ERBB4: variants seen among roughly 807,000 people sequenced by gnomAD.
The protein encoded by ERBB4 is erb-b2 receptor tyrosine kinase 4.
A neutral mutation model predicts 158.0 loss-of-function variants in ERBB4; 42 were observed. That is an observed-to-expected ratio of 0.27 (90% CI 0.21 to 0.34). The LOEUF (loss-of-function observed/expected upper bound fraction) is 0.34. ERBB4 is among the 10% of genes least tolerant of loss of function. The pLI, the probability that ERBB4 is intolerant of heterozygous loss-of-function variation, is 1.00. For synonymous variants in ERBB4, 583 were observed against 558.7 expected (o/e 1.04, Z -0.61); for missense variants, 1,333 against 1,624.1 (o/e 0.82, Z 3.08).
intron 1 of ERBB4, among the ~76,000 whole-genome samples, chr2:212,441,169 A>G (rs1286506386): frequency 6.6e-6 from 1 of 152,018 alleles, no homozygotes; most frequent in African/African-American, 2.4e-5. Context: ...GAAGCTGGGG[A>G]TACTGAGTTT....
At chr2:211,696,892 A>T (rs1318080672) in intron 12 of ERBB4, among the ~76,000 whole-genome samples, 1 of 151,594 alleles carries the variant, frequency 6.6e-6, no homozygotes, top group Non-Finnish European at 1.5e-5. Flanking sequence ...CTGGTCTCAA[A>T]CTCCTGACCT....
At chr2:212,407,598 G>C (rs973369137) in intron 1 of ERBB4, among the ~76,000 whole-genome samples, 2 of 151,838 alleles carry the variant, frequency 1.3e-5, no homozygotes, top group African/African-American at 4.8e-5. Flanking sequence ...TAAATAAGTA[G>C]GCATATATAT....
chr2:211,701,756 C>CAAAAAAAA (rs71409856), intron 12 of ERBB4, among the ~76,000 whole-genome samples: 13 of 66,646 alleles, frequency 2.0e-4, no homozygotes, highest in South Asian at 1.1e-3. Flanking sequence ...GACTCCGTCT[C>CAAAAAAAA]AAAAAAAAAA....
chr2:212,451,919 A>C (rs1222440177), intron 1 of ERBB4, among the ~76,000 whole-genome samples: 1 of 152,134 alleles, frequency 6.6e-6, no homozygotes, highest in Non-Finnish European at 1.5e-5. Context: ...TGAAGGTTGC[A>C]TCACCAGAGA....
At chr2:212,250,995 G>A (rs890409925) in intron 1 of ERBB4, among the ~76,000 whole-genome samples, 5 of 151,884 alleles carry the variant, frequency 3.3e-5, no homozygotes, top group Non-Finnish European at 5.9e-5. Flanking sequence ...TAAAACTCTG[G>A]CACACAATTA....
At chr2:211,640,780 A>T (rs2070551334) in intron 16 of ERBB4, among the ~76,000 whole-genome samples, 1 of 152,178 alleles carries the variant, frequency 6.6e-6, no homozygotes, top group Admixed American at 6.6e-5. Context: ...TGAAAGACAG[A>T]TTAGGAAAGT....
chr2:211,803,631 C>T (rs1379866718), intron 3 of ERBB4, among the ~76,000 whole-genome samples: 2 of 152,122 alleles, frequency 1.3e-5, no homozygotes, highest in African/African-American at 4.8e-5. Context: ...TTCAGAGGGG[C>T]CAGAAATGCA....
chr2:211,923,757 T>C (rs2125083044), intron 3 of ERBB4, among the ~76,000 whole-genome samples: 1 of 152,118 alleles, frequency 6.6e-6, no homozygotes, highest in East Asian at 1.9e-4. Flanking sequence ...AATTTTGCTC[T>C]TGTTGCTGAG....
Position 211,679,261 on chromosome 2 carries a change from T to A in ERBB4, c.1490-77A>T, listed in dbSNP as rs562139247. 275 of 1,524,398 alleles carry A rather than the reference T, an allele frequency of 1.8e-4. 3 individuals carry two copies. In the Middle Eastern group the frequency reaches 0.015, roughly 81 times the overall value. The allele number at this position is 1,524,398 out of a possible 1,614,324, so 94.4% of individuals were successfully genotyped here. On this transcript the variant is annotated intron_variant, in intron 12 of 27. Coordinates refer to ENST00000342788, the MANE Select transcript of ERBB4 (RefSeq NM_005235.3). ...TTAAAATCTTCCTAGGTAATGCTAT[T>A]TCTAAAGGAGTTCACTTAAAAGAGA...
intron 2 of ERBB4, among the ~76,000 whole-genome samples, chr2:211,994,349 C>T (rs1396436577): frequency 6.6e-6 from 1 of 152,060 alleles, no homozygotes; most frequent in Non-Finnish European, 1.5e-5. Flanking sequence ...CCAAGTCTGG[C>T]CTCAAACTCC....
At chr2:211,537,021 G>T (rs1410825857) in intron 20 of ERBB4, among the ~76,000 whole-genome samples, 1 of 151,802 alleles carries the variant, frequency 6.6e-6, no homozygotes, top group African/African-American at 2.4e-5. Context: ...TTGCAGCAAT[G>T]CTAAATTCTA....
chr2:211,898,931 T>C (rs1272724219), intron 3 of ERBB4, among the ~76,000 whole-genome samples: 1 of 152,140 alleles, frequency 6.6e-6, no homozygotes, highest in Non-Finnish European at 1.5e-5. Flanking sequence ...ATCTTCACAC[T>C]CAATCGTCCA....
intron 1 of ERBB4, among the ~76,000 whole-genome samples, chr2:212,373,411 T>G (rs1247664436): frequency 6.6e-6 from 1 of 152,068 alleles, no homozygotes; most frequent in Non-Finnish European, 1.5e-5. Context: ...ATTTTTGCAG[T>G]CAATGAAACT....
chr2:211,701,309 C>A (rs3883913), intron 12 of ERBB4, among the ~76,000 whole-genome samples: 89,207 of 151,972 alleles, frequency 0.59, 26,968 homozygotes, highest in African/African-American at 0.71. Context: ...TATGAAACTC[C>A]CTGAAACCAA....
chr2:211,745,409 T>G (rs1373081319), intron 5 of ERBB4, among the ~76,000 whole-genome samples: 1 of 152,104 alleles, frequency 6.6e-6, no homozygotes, highest in African/African-American at 2.4e-5. Flanking sequence ...TAGCTCAGAC[T>G]AAGAGAGAGA....
Position 211,772,808 on chromosome 2 carries a change from G to GAT in ERBB4, c.556+15215_556+15216dup, listed in dbSNP as rs761544601. On this transcript the variant is annotated intron_variant, in intron 4 of 27. Transcript: ENST00000342788. ...CTACAGGTATACTTCACCATACTGG[G>GAT]ATATATATATATATATATATATATA... is the stretch of plus-strand genomic sequence containing the variant. 2.8e-3 allele frequency among the ~76,000 whole-genome samples: 107 copies of GAT among 37,734 alleles called. 2 individuals carry two copies. The highest frequency in any genetic ancestry group is 4.5e-3 in the African/African-American group (35 of 7,738). The allele number at this position is 37,734 out of a possible 152,430, so 24.8% of individuals were successfully genotyped here. A position where few individuals can be genotyped will look rare whatever the true frequency, so the allele number is the denominator to read the frequency against.
intron 1 of ERBB4, among the ~76,000 whole-genome samples, chr2:212,284,706 A>C (rs2106158887): frequency 6.6e-6 from 1 of 152,200 alleles, no homozygotes; most frequent in Non-Finnish European, 1.5e-5. Flanking sequence ...TGTCTTTAGA[A>C]GTTTACTTAT....
intron 3 of ERBB4, among the ~76,000 whole-genome samples, chr2:211,944,890 C>A (rs540031391): frequency 6.6e-6 from 1 of 152,050 alleles, no homozygotes; most frequent in African/African-American, 2.4e-5. Context: ...AAATGTAATA[C>A]AGTATGGTAG....
At chr2:211,690,317 T>A (rs2072755426) in intron 12 of ERBB4, among the ~76,000 whole-genome samples, 1 of 152,114 alleles carries the variant, frequency 6.6e-6, no homozygotes, top group Non-Finnish European at 1.5e-5. Flanking sequence ...CCCTTCCCCT[T>A]ACCTCTGCTA....
Sources: gnomAD v4.1 joint callset for allele counts (sites outside exome capture counted in the v4.1 genomes callset) on GRCh38, gnomAD v4.1.1 for gene constraint, MANE v1.5 for transcripts, NCBI Gene and HGNC (gene_info 2026-07-23, HGNC 2026-07-21) for gene names.